Variants in COL5A2 observed in about 807,000 individuals in gnomAD.
COL5A2 encodes the protein collagen alpha-2(V) chain.
A neutral mutation model predicts 208.2 loss-of-function variants in COL5A2; 23 were observed. The observed-to-expected ratio is 0.11, with a 90% CI of 0.08 to 0.16. The LOEUF is 0.16. COL5A2 is among the 10% of genes least tolerant of loss of function. COL5A2 has a pLI of 1.00. For missense variants in COL5A2, 1,590 were observed against 1,956.4 expected, an observed-to-expected ratio of 0.81 and a Z score of 3.53; for synonymous variants, 625 against 628.5, an observed-to-expected ratio of 0.99 and a Z score of 0.08.
intron 1 of COL5A2, among the ~76,000 whole-genome samples, chr2:189,160,828 C>CTTTT (rs1013116673): frequency 3.8e-5 from 5 of 132,010 alleles, no homozygotes; most frequent in Admixed American, 7.7e-5. Context: ...TTTCTTTTTC[C>CTTTT]TTTTTTTTTT....
At chr2:189,384,722 C>G in the COL5A2 span, among the ~76,000 whole-genome samples, 28 of 152,118 alleles carry the variant, frequency 1.8e-4, no homozygotes, top group African/African-American at 6.5e-4. Flanking sequence ...TTGATTGTTT[C>G]CTTTGCTGTG....
chr2:189,283,109 A>G, the COL5A2 span, among the ~76,000 whole-genome samples: 7 of 152,096 alleles, frequency 4.6e-5, no homozygotes, highest in Non-Finnish European at 1.0e-4. Context: ...GAAGGGATAA[A>G]GAGCTATGGA....
chr2:189,164,161 C>T (rs1308098763), intron 1 of COL5A2, among the ~76,000 whole-genome samples: 1 of 152,144 alleles, frequency 6.6e-6, no homozygotes, highest in East Asian at 1.9e-4. Context: ...CTCTCAGTCA[C>T]CTTCTGACCC....
the COL5A2 span, among the ~76,000 whole-genome samples, chr2:189,282,618 G>T: frequency 1.3e-5 from 2 of 152,150 alleles, no homozygotes; most frequent in African/African-American, 2.4e-5. Context: ...AATTTCATAT[G>T]ACAACATACA....
At chr2:189,435,978 C>T in the COL5A2 span, among the ~76,000 whole-genome samples, 23 of 152,160 alleles carry the variant, frequency 1.5e-4, no homozygotes, top group Admixed American at 5.2e-4. Context: ...ACATATACAC[C>T]ATGGAATACT....
intron 1 of COL5A2, among the ~76,000 whole-genome samples, chr2:189,189,331 T>C (rs1576580675): frequency 6.6e-6 from 1 of 152,152 alleles, no homozygotes; most frequent in Admixed American, 6.5e-5. Context: ...GTGCTCACAA[T>C]CCCTGCCATT....
the COL5A2 span, among the ~76,000 whole-genome samples, chr2:189,278,326 T>C: frequency 6.6e-6 from 1 of 152,090 alleles, no homozygotes; most frequent in African/African-American, 2.4e-5. Context: ...GATATTTTCA[T>C]CTTATTGGTT....
the COL5A2 span, among the ~76,000 whole-genome samples, chr2:189,236,899 T>G: frequency 2.0e-5 from 3 of 152,036 alleles, no homozygotes; most frequent in East Asian, 5.8e-4. Flanking sequence ...TTTTTCTTTA[T>G]AGTTAGCAAT....
the COL5A2 span, among the ~76,000 whole-genome samples, chr2:189,272,600 T>G: frequency 6.6e-6 from 1 of 152,282 alleles, no homozygotes; most frequent in Admixed American, 6.5e-5. Flanking sequence ...CCATGGCACA[T>G]GTATACGTAT....
At chr2:189,413,941 G>A in the COL5A2 span, among the ~76,000 whole-genome samples, 2 of 151,870 alleles carry the variant, frequency 1.3e-5, no homozygotes, top group East Asian at 1.9e-4. Flanking sequence ...ACAGGCGCCC[G>A]CCACTGCGCC....
the COL5A2 span, among the ~76,000 whole-genome samples, chr2:189,427,250 A>C: frequency 2.3e-4 from 35 of 152,350 alleles, no homozygotes; most frequent in East Asian, 6.8e-3. Context: ...ACCTCAGGCT[A>C]TTGCTTCAGA....
chr2:189,089,991 G>C (rs1686749182), intron 7 of COL5A2, among the ~76,000 whole-genome samples: 1 of 152,100 alleles, frequency 6.6e-6, no homozygotes, highest in South Asian at 2.1e-4. Context: ...GTGAAAGAAA[G>C]AGTCTCACAT....
the COL5A2 span, among the ~76,000 whole-genome samples, chr2:189,375,820 C>G: frequency 1.3e-4 from 20 of 152,230 alleles, no homozygotes; most frequent in African/African-American, 4.3e-4. Flanking sequence ...TTATGTATAA[C>G]CCTTTATATT....
At chr2:189,155,764 C>T (rs377349847) in intron 1 of COL5A2, among the ~76,000 whole-genome samples, 1 of 152,016 alleles carries the variant, frequency 6.6e-6, no homozygotes, top group African/African-American at 2.4e-5. Context: ...ATTTAAAACA[C>T]CAAAAATTCA....
the COL5A2 span, among the ~76,000 whole-genome samples, chr2:189,266,720 A>C: frequency 7.2e-5 from 11 of 152,236 alleles, no homozygotes; most frequent in Non-Finnish European, 7.4e-5. Flanking sequence ...AACTCTGTGA[A>C]TATATGAAAA....
chr2:189,310,421 A>C, the COL5A2 span, among the ~76,000 whole-genome samples: 2 of 152,258 alleles, frequency 1.3e-5, no homozygotes, highest in Non-Finnish European at 2.9e-5. Context: ...GACAGGAAAT[A>C]ACAAATGCTG....
At chr2:189,438,417 T>C in the COL5A2 span, among the ~76,000 whole-genome samples, 1 of 152,316 alleles carries the variant, frequency 6.6e-6, no homozygotes, top group South Asian at 2.1e-4. Context: ...CATATGAATG[T>C]TTAGAGAAGT....
the COL5A2 span, among the ~76,000 whole-genome samples, chr2:189,305,764 A>G: frequency 6.6e-6 from 1 of 152,062 alleles, no homozygotes; most frequent in South Asian, 2.1e-4. Flanking sequence ...ATTGGCGACA[A>G]GTTGATTACA....
chr2:189,292,655 G>A, the COL5A2 span, among the ~76,000 whole-genome samples: 1 of 152,148 alleles, frequency 6.6e-6, no homozygotes, highest in African/African-American at 2.4e-5. Flanking sequence ...CACTGTTGGT[G>A]GGACTGTAAA....
Sources: gnomAD v4.1 joint callset for allele counts (sites outside exome capture counted in the v4.1 genomes callset) on GRCh38, gnomAD v4.1.1 for gene constraint, MANE v1.5 for transcripts, NCBI Gene and HGNC (gene_info 2026-07-23, HGNC 2026-07-21) for gene names.